ADAMTS20: variants seen among roughly 807,000 people sequenced by gnomAD.
ADAMTS20 encodes the protein ADAM metallopeptidase with thrombospondin type 1 motif 20.
In ADAMTS20, 225 loss-of-function variants were observed where a neutral mutation model predicts 260.1. The ratio of observed to expected loss-of-function variants is 0.87; its 90% CI spans 0.78 to 0.97. The LOEUF (loss-of-function observed/expected upper bound fraction) is 0.97. Among genes scored for constraint, ADAMTS20 ranks in the 50% least tolerant of loss-of-function variants. The pLI, the probability that ADAMTS20 is intolerant of heterozygous loss-of-function variation, is 0.00. For missense variants in ADAMTS20, 2,400 were observed against 2,337.7 expected (o/e 1.03, Z -0.55); for synonymous variants, 802 against 769.5 (o/e 1.04, Z -0.70).
intron 38 of ADAMTS20, among the ~76,000 whole-genome samples, chr12:43,354,538 T>TACCATATTATAATTTAG (rs143672920): frequency 6.6e-6 from 1 of 151,986 alleles, no homozygotes; most frequent in African/African-American, 2.4e-5. Flanking sequence ...GAATATTATA[T>TACCATATTATAATTTAG]ACAATTTAAA....
At position 43,443,843 on chromosome 12, in the gene ADAMTS20, G is replaced by C. The variant is rs769673687; in HGVS notation, c.2238C>G (p.Asn746Lys). Residue 746 changes from asparagine to lysine, a missense_variant, in exon 16 of 39, where the codon AAC (asparagine) becomes AAG (lysine). By Grantham distance (94) the Asn-to-Lys change is moderately conservative (BLOSUM62 0). Coordinates refer to ENST00000389420, the MANE Select transcript of ADAMTS20 (RefSeq NM_025003.5). ...VVVKIPAGAT[N>K]VDIRQYSYSG... is the part of the protein sequence containing the mutation. ...AATAGCTGTACTGACGAATGTCAACGTTTGTTGCTCCTGCGGGAATCTTTA... is the reference window on the plus strand; with the variant it reads ...AATAGCTGTACTGACGAATGTCAACCTTTGTTGCTCCTGCGGGAATCTTTA... 2 of 1,613,212 alleles carry C rather than the reference G, an allele frequency of 1.2e-6. No individual in the cohort carries two copies. The highest frequency in any genetic ancestry group is 2.2e-5 in the East Asian group (1 of 44,854).
intron 14 of ADAMTS20, among the ~76,000 whole-genome samples, chr12:43,447,905 A>G (rs1941792273): frequency 1.3e-5 from 2 of 152,146 alleles, no homozygotes; most frequent in South Asian, 4.1e-4. Context: ...CCACCAAACG[A>G]ATAAGATACC....
chr12:43,369,175 T>C (rs973604266), intron 37 of ADAMTS20, 115 bp downstream of exon 37: 8 of 565,034 alleles, frequency 1.4e-5, no homozygotes, highest in African/African-American at 2.0e-5. Context: ...ATATGTGAAG[T>C]TTTGCATTTC....
At chr12:43,444,733 T>C (rs1430770120) in intron 15 of ADAMTS20, among the ~76,000 whole-genome samples, 1 of 152,188 alleles carries the variant, frequency 6.6e-6, no homozygotes, top group Non-Finnish European at 1.5e-5. Flanking sequence ...CCTTATTTAT[T>C]AGGATTTCCT....
chr12:43,471,958 C>T (rs1244848824), intron 7 of ADAMTS20, among the ~76,000 whole-genome samples: 3 of 150,490 alleles, frequency 2.0e-5, no homozygotes, highest in Non-Finnish European at 4.4e-5. Context: ...CGCAGTTCCT[C>T]ACCAGCAACG....
intron 29 of ADAMTS20, among the ~76,000 whole-genome samples, chr12:43,388,084 C>T (rs554129677): frequency 6.6e-6 from 1 of 152,088 alleles, no homozygotes; most frequent in East Asian, 1.9e-4. Flanking sequence ...AAAAAAAAAC[C>T]TCCCGCAGCT....
In ADAMTS20 at chr12:43,354,224, TG is replaced by T; in HGVS notation, c.5717del (p.Pro1906GlnfsTer15). On this transcript the variant is annotated frameshift_variant, in exon 39 of 39. Transcript: ENST00000389420. LOFTEE classifies it high-confidence loss of function. ...KCLPHMTTGLPIQVI is the reference protein window; with the variant it reads ...KCLPHMTTGLXIQVI ...TTCTAAATGTTCATATGACTTGAATTGGGAGACCAGTAGTCATGTGAGGAAG... is the reference window on the plus strand; with the variant it reads ...TTCTAAATGTTCATATGACTTGAATTGGAGACCAGTAGTCATGTGAGGAAG... 1 of 1,587,958 alleles carries T rather than the reference TG, an allele frequency of 6.3e-7. No individual in the cohort carries two copies.
intron 2 of ADAMTS20, among the ~76,000 whole-genome samples, chr12:43,543,054 C>T (rs2137524622): frequency 6.6e-6 from 1 of 152,238 alleles, no homozygotes; most frequent in South Asian, 2.1e-4. Context: ...AATCCCAACA[C>T]TTTGGGAGGC....
intron 7 of ADAMTS20, among the ~76,000 whole-genome samples, chr12:43,474,062 A>G (rs1271687362): frequency 6.6e-6 from 1 of 151,996 alleles, no homozygotes; most frequent in Non-Finnish European, 1.5e-5. Context: ...TGGTTTTTTG[A>G]AAGGATCAAC....
chr12:43,461,390 T>A (rs1363621656), intron 11 of ADAMTS20, among the ~76,000 whole-genome samples: 1 of 152,172 alleles, frequency 6.6e-6, no homozygotes, highest in Non-Finnish European at 1.5e-5. Context: ...ATTGTATACC[T>A]AAGATCTATG....
intron 26 of ADAMTS20, 86 bp downstream of exon 26, chr12:43,428,155 T>A (rs1453914364): frequency 7.6e-7 from 1 of 1,321,928 alleles, no homozygotes; most frequent in Non-Finnish European, 1.0e-6. Flanking sequence ...GCATTTAAAG[T>A]ACTGATGGCA....
At chr12:43,501,283 C>T (rs528514894) in intron 4 of ADAMTS20, among the ~76,000 whole-genome samples, 1 of 151,898 alleles carries the variant, frequency 6.6e-6, no homozygotes, top group South Asian at 2.1e-4. Flanking sequence ...TGGTCTTGAA[C>T]TTCCGACCTC....
At chr12:43,356,861 C>T (rs1412626455) in intron 37 of ADAMTS20, among the ~76,000 whole-genome samples, 1 of 152,206 alleles carries the variant, frequency 6.6e-6, no homozygotes, top group Non-Finnish European at 1.5e-5. Flanking sequence ...CCCTTCATTG[C>T]TAACTTCTAT....
rs372794392 is a variant in ADAMTS20, at chr12:43,434,175, C to T, written c.2720+70G>A. 3.2e-5 allele frequency: 46 copies of T among 1,447,790 alleles called. No individual in the cohort carries two copies. In the African/African-American group the frequency reaches 5.1e-4, roughly 16 times the overall value. The allele number at this position is 1,447,790 out of a possible 1,614,324, so 89.7% of individuals were successfully genotyped here. ...AATTGCATGTCCATGCTGTGTCAGT[C>T]ACTGTGTTAGACATTTTAATCTTAG... On this transcript the variant is annotated intron_variant, in intron 19 of 38. Transcript: ENST00000389420.
At chr12:43,440,472 C>T (rs1308971031) in intron 16 of ADAMTS20, among the ~76,000 whole-genome samples, 5 of 152,010 alleles carry the variant, frequency 3.3e-5, no homozygotes, top group African/African-American at 1.2e-4. Flanking sequence ...AAGTTCAAAT[C>T]CTTTTTTGAA....
chr12:43,497,547 G>A (rs1033987899), intron 4 of ADAMTS20, among the ~76,000 whole-genome samples: 2 of 151,982 alleles, frequency 1.3e-5, no homozygotes, highest in Admixed American at 6.6e-5. Flanking sequence ...CATACAAAGC[G>A]AATATGTGCA....
At chr12:43,517,917 T>A (rs891413471) in intron 3 of ADAMTS20, among the ~76,000 whole-genome samples, 5 of 152,144 alleles carry the variant, frequency 3.3e-5, no homozygotes, top group Non-Finnish European at 7.4e-5. Flanking sequence ...TTAAAATTCC[T>A]TTGAAATATC....
chr12:43,414,663 A>C (rs1314015189), intron 28 of ADAMTS20, among the ~76,000 whole-genome samples: 1 of 152,102 alleles, frequency 6.6e-6, no homozygotes, highest in African/African-American at 2.4e-5. Context: ...GAATTGCTAA[A>C]ATTTAAGAGT....
At position 43,478,039 on chromosome 12, in the gene ADAMTS20, C is replaced by G. The variant is rs534841584; in HGVS notation, c.1118-9334G>C. On this transcript the variant is annotated intron_variant, in intron 7 of 38. Transcript: ENST00000389420. ...ACAAACAAATAAATAAGAGAACATA[C>G]GTAAAAGAAGAAATAAGATGTATGG... Among the ~76,000 whole-genome samples the G allele has an allele frequency of 1.7e-4, 26 of 151,764 alleles. No homozygotes were observed. In the East Asian group the frequency reaches 4.8e-3, roughly 28 times the overall value.
Sources: gnomAD v4.1 joint callset for allele counts (sites outside exome capture counted in the v4.1 genomes callset) on GRCh38, gnomAD v4.1.1 for gene constraint, MANE v1.5 for transcripts, NCBI Gene and HGNC (gene_info 2026-07-23, HGNC 2026-07-21) for gene names.